The following TTC17 variants were observed in gnomAD, a reference collection of about 807,000 sequenced individuals.
TTC17 encodes the protein tetratricopeptide repeat protein 17.
In TTC17, 58 loss-of-function variants were observed where a neutral mutation model predicts 143.8. That is an observed-to-expected ratio of 0.40 (90% CI 0.33 to 0.50). The LOEUF (loss-of-function observed/expected upper bound fraction) is 0.50, where lower values mean the gene tolerates loss of function less well. TTC17 is among the 20% of genes least tolerant of loss of function. The probability of loss-of-function intolerance (pLI) is 0.49; values close to 1 mark genes in which losing one functional copy is unlikely to be tolerated. For missense variants in TTC17, 1,273 were observed against 1,392.5 expected (o/e 0.91, Z 1.37); for synonymous variants, 501 against 497.8 (o/e 1.01, Z -0.09).
intron 10 of TTC17, 129 bp from the exon 11 acceptor site, chr11:43,403,869 T>C: frequency 1.4e-6 from 1 of 698,294 alleles, no homozygotes; most frequent in South Asian, 2.1e-5. Context: ...CCAATTGCTT[T>C]ATTACTGAGC....
chr11:43,491,570 A>C (rs1948475142), intron 22 of TTC17: 1 of 153,406 alleles, frequency 6.5e-6, no homozygotes, highest in Non-Finnish European at 1.5e-5. Flanking sequence ...CAAAATAGGC[A>C]GGAGACTAGG....
intron 16 of TTC17, among the ~76,000 whole-genome samples, chr11:43,438,175 T>G (rs1947334761): frequency 1.3e-5 from 2 of 152,180 alleles, no homozygotes; most frequent in Admixed American, 1.3e-4. Flanking sequence ...GGTAATCTTT[T>G]TTTGAGGAGT....
chr11:43,434,216 C>T (rs1947230707), intron 16 of TTC17, among the ~76,000 whole-genome samples: 1 of 120,998 alleles, frequency 8.3e-6, no homozygotes, highest in East Asian at 2.2e-4. Context: ...CACACACACA[C>T]ACACACACAC....
chr11:43,455,039 A>G (rs1947736786), intron 21 of TTC17, among the ~76,000 whole-genome samples: 1 of 151,674 alleles, frequency 6.6e-6, no homozygotes, highest in African/African-American at 2.4e-5. Context: ...AACAAATTCC[A>G]AGGAAGAAAA....
chr11:43,408,970 C>T (rs994929656), intron 15 of TTC17, among the ~76,000 whole-genome samples: 32 of 151,754 alleles, frequency 2.1e-4, no homozygotes, highest in Non-Finnish European at 2.4e-4. Context: ...CTTGAACACC[C>T]GAGCTCAAGC....
intron 21 of TTC17, among the ~76,000 whole-genome samples, chr11:43,475,319 A>G (rs1220641674): frequency 6.6e-6 from 1 of 152,130 alleles, no homozygotes; most frequent in African/African-American, 2.4e-5. Context: ...AAAGCATTCA[A>G]GAGGTGACTT....
At chr11:43,418,494 A>C (rs1327832645) in intron 16 of TTC17, among the ~76,000 whole-genome samples, 2 of 152,204 alleles carry the variant, frequency 1.3e-5, no homozygotes, top group Admixed American at 1.3e-4. Context: ...GTCATTTTAC[A>C]GTTTTATTTA....
At chr11:43,427,465 G>A (rs1396589374) in intron 16 of TTC17, among the ~76,000 whole-genome samples, 1 of 152,184 alleles carries the variant, frequency 6.6e-6, no homozygotes, top group Admixed American at 6.5e-5. Context: ...GGTACCAAAT[G>A]ATGATGCTAT....
intron 18 of TTC17, chr11:43,446,223 C>T (rs184251155): frequency 3.3e-6 from 4 of 1,208,792 alleles, no homozygotes; most frequent in Non-Finnish European, 3.1e-6. Flanking sequence ...GCCCTGTGCC[C>T]CCTCTGCCCT....
chr11:43,360,137 A>G (rs940496821), intron 1 of TTC17, among the ~76,000 whole-genome samples: 1 of 152,234 alleles, frequency 6.6e-6, no homozygotes, highest in Non-Finnish European at 1.5e-5. Flanking sequence ...ATGAATCATG[A>G]TAGGAACACA....
chr11:43,414,205 G>A (rs967459831), intron 15 of TTC17, among the ~76,000 whole-genome samples: 8 of 152,142 alleles, frequency 5.3e-5, no homozygotes, highest in African/African-American at 1.7e-4. Context: ...AGAACATGCA[G>A]TTTGATTTCA....
chr11:43,362,147 ATTTGTGTGTGTGTG>A (rs1565125121), intron 1 of TTC17, among the ~76,000 whole-genome samples: 1 of 106,580 alleles, frequency 9.4e-6, no homozygotes, highest in African/African-American at 3.9e-5. Flanking sequence ...CACCCGGCTA[ATTTGTGTGTGTGTG>A]TGTGTGTGTG....
At chr11:43,460,178 C>T (rs1173735450) in intron 21 of TTC17, among the ~76,000 whole-genome samples, 1 of 151,988 alleles carries the variant, frequency 6.6e-6, no homozygotes, top group Non-Finnish European at 1.5e-5. Context: ...TGTAACCCTG[C>T]AAGTCCCAGG....
At chr11:43,472,819 T>C (rs1054208958) in intron 21 of TTC17, among the ~76,000 whole-genome samples, 2 of 150,328 alleles carry the variant, frequency 1.3e-5, no homozygotes, top group Non-Finnish European at 3.0e-5. Context: ...CAGTATGTGT[T>C]CTCACCATAG....
intron 16 of TTC17, among the ~76,000 whole-genome samples, chr11:43,418,115 G>A (rs545100434): frequency 1.3e-4 from 20 of 152,130 alleles, no homozygotes; most frequent in African/African-American, 4.8e-4. Context: ...AAATTTTTTT[G>A]TACTTATAAA....
chr11:43,456,951 G>A (rs74329553), intron 21 of TTC17, among the ~76,000 whole-genome samples: 234 of 152,196 alleles, frequency 1.5e-3, no homozygotes, highest in African/African-American at 5.2e-3. Flanking sequence ...GAAATAAGGA[G>A]ATGCTGGGTA....
chr11:43,444,287 ACTT>A, intron 18 of TTC17, 78 bp downstream of exon 18: 1 of 1,450,526 alleles, frequency 6.9e-7, no homozygotes, highest in Non-Finnish European at 9.3e-7. Flanking sequence ...TGTATTTGTA[ACTT>A]GAAATAGTTC....
chr11:43,450,787 G>C (rs7926758), intron 20 of TTC17, among the ~76,000 whole-genome samples: 21,830 of 152,058 alleles, frequency 0.14, 4,219 homozygotes, highest in African/African-American at 0.44. Context: ...ACAGTATACA[G>C]TGTAATTCAA....
chr11:43,429,784 G>T (rs1220088053), intron 16 of TTC17, among the ~76,000 whole-genome samples: 1 of 152,186 alleles, frequency 6.6e-6, no homozygotes, highest in Non-Finnish European at 1.5e-5. Context: ...ACTCATATCT[G>T]TTAAAAGGAT....
Sources: allele counts gnomAD v4.1 joint callset (sites outside exome capture counted in the v4.1 genomes callset), GRCh38; gene constraint gnomAD v4.1.1; transcripts MANE v1.5; gene names NCBI Gene and HGNC (gene_info 2026-07-23, HGNC 2026-07-21).